GOLM2: variants seen among roughly 807,000 people sequenced by gnomAD.
The protein encoded by GOLM2 is protein GOLM2.
In GOLM2, 26 loss-of-function variants were observed where a neutral mutation model predicts 55.9. That is an observed-to-expected ratio of 0.47 (90% CI 0.34 to 0.65). The LOEUF (loss-of-function observed/expected upper bound fraction) is 0.65, where lower values mean the gene tolerates loss of function less well. GOLM2 is among the 30% of genes least tolerant of loss of function. GOLM2 has a pLI of 0.01. For synonymous variants in GOLM2, 165 were observed against 194.6 expected (o/e 0.85, Z 1.27); for missense variants, 486 against 531.8 (o/e 0.91, Z 0.85).
At chr15:44,366,310 A>AAC (rs1567036400) in intron 6 of GOLM2, among the ~76,000 whole-genome samples, 5 of 150,534 alleles carry the variant, frequency 3.3e-5, no homozygotes, top group East Asian at 2.0e-4. Context: ...AAAAAAAAAA[A>AAC]AAAACAAAAC....
Position 44,324,933 on chromosome 15 carries a change from C to T in GOLM2, c.382+1914C>T, listed in dbSNP as rs539208040. On this transcript the variant is annotated intron_variant, in intron 2 of 9. Transcript: ENST00000299957. ...TTAACTTACTCTAAGAGTTCTGCTA[C>T]GGTGACCTGGAGCAGCCACGCTAGA... Among the ~76,000 whole-genome samples, 19 of 152,204 alleles carry T rather than the reference C, an allele frequency of 1.2e-4. No individual in the cohort carries two copies. In the East Asian group the frequency reaches 2.5e-3, roughly 20 times the overall value.
chr15:44,320,797 A>G (rs931816960), intron 1 of GOLM2, among the ~76,000 whole-genome samples: 2 of 152,200 alleles, frequency 1.3e-5, no homozygotes, highest in East Asian at 3.8e-4. Context: ...TGGGACTGAA[A>G]GATACTCCAT....
chr15:44,415,438 G>T lies in GOLM2; in HGVS notation c.*2032G>T, dbSNP rs921527109. 2.0e-5 allele frequency: 3 copies of T among 152,532 alleles called. No individual in the cohort carries two copies. Among genetic ancestry groups the T allele is most frequent in the African/African-American group, 7.2e-5 (3 of 41,432 alleles). The allele number at this position is 152,532 out of a possible 1,614,324, so 9.4% of individuals were successfully genotyped here. On this transcript the variant is annotated 3_prime_UTR_variant, in exon 10 of 10. Transcript: ENST00000299957. The stretch of plus-strand genomic sequence containing the variant: ...TTGTCATAAAAACAATCACTTGGTT[G>T]GTTGTATTGTAGCTATTACTTATAC...
At chr15:44,321,443 G>A (rs2078948093) in intron 1 of GOLM2, among the ~76,000 whole-genome samples, 1 of 137,174 alleles carries the variant, frequency 7.3e-6, no homozygotes, top group Admixed American at 7.6e-5. Context: ...ACTCCAGCCT[G>A]GTCTGCAGAG....
chr15:44,360,022 A>C (rs889231132), intron 6 of GOLM2, among the ~76,000 whole-genome samples: 12 of 152,102 alleles, frequency 7.9e-5, no homozygotes, highest in Admixed American at 2.6e-4. Flanking sequence ...TGTCACCACC[A>C]GGCCTGCCCT....
chr15:44,369,478 C>T (rs908752682), intron 6 of GOLM2, among the ~76,000 whole-genome samples: 9 of 151,674 alleles, frequency 5.9e-5, no homozygotes, highest in East Asian at 1.9e-4. Context: ...ATGTAAGCTT[C>T]GTAGGACAAT....
At chr15:44,322,326 C>G (rs2078956068) in intron 1 of GOLM2, among the ~76,000 whole-genome samples, 1 of 152,116 alleles carries the variant, frequency 6.6e-6, no homozygotes. Flanking sequence ...GAGATCGCAC[C>G]ACTGCACCGC....
chr15:44,293,964 G>C (rs983064291), intron 1 of GOLM2, among the ~76,000 whole-genome samples: 8 of 152,094 alleles, frequency 5.3e-5, no homozygotes, highest in Non-Finnish European at 7.3e-5. Flanking sequence ...ACTTGTATCG[G>C]TATGGACTCA....
intron 1 of GOLM2, among the ~76,000 whole-genome samples, chr15:44,309,703 C>T (rs1205836033): frequency 6.6e-6 from 1 of 152,134 alleles, no homozygotes; most frequent in Non-Finnish European, 1.5e-5. Context: ...GTTGTTAACA[C>T]TTTATCTCTG....
At chr15:44,342,086 T>C (rs965540920) in intron 6 of GOLM2, among the ~76,000 whole-genome samples, 1 of 152,112 alleles carries the variant, frequency 6.6e-6, no homozygotes, top group African/African-American at 2.4e-5. Context: ...GAACTTGCCA[T>C]ATGCAACTTA....
intron 6 of GOLM2, among the ~76,000 whole-genome samples, chr15:44,362,625 A>C (rs2079249850): frequency 6.6e-6 from 1 of 152,198 alleles, no homozygotes; most frequent in Non-Finnish European, 1.5e-5. Flanking sequence ...GCCCAAGGTA[A>C]TTTATAGATT....
intron 6 of GOLM2, among the ~76,000 whole-genome samples, chr15:44,374,949 C>A (rs959757794): frequency 2.6e-5 from 4 of 152,102 alleles, no homozygotes; most frequent in African/African-American, 7.2e-5. Flanking sequence ...TATATTTTTC[C>A]CCTGGCTCTC....
At chr15:44,408,636 C>T (rs2079613317) in intron 9 of GOLM2, among the ~76,000 whole-genome samples, 2 of 152,126 alleles carry the variant, frequency 1.3e-5, no homozygotes, top group Non-Finnish European at 2.9e-5. Context: ...TTTTCTGTTC[C>T]TAGACATTTG....
At chr15:44,400,327 T>C (rs1325229989) in intron 8 of GOLM2, among the ~76,000 whole-genome samples, 1 of 151,948 alleles carries the variant, frequency 6.6e-6, no homozygotes, top group Non-Finnish European at 1.5e-5. Flanking sequence ...CCTTCTTTTT[T>C]TTTTCTTTGA....
chr15:44,340,437 T>TAG (rs2079083870), intron 6 of GOLM2, among the ~76,000 whole-genome samples: 1 of 152,108 alleles, frequency 6.6e-6, no homozygotes, highest in Non-Finnish European at 1.5e-5. Context: ...ATATTTTTAT[T>TAG]TCTGTAGAGA....
intron 8 of GOLM2, chr15:44,390,094 G>A (rs907026119): frequency 2.0e-5 from 3 of 152,068 alleles, no homozygotes; most frequent in African/African-American, 7.2e-5. Context: ...ATTTAATTTT[G>A]TATTACCACA....
chr15:44,374,898 T>C (rs908442586), intron 6 of GOLM2, among the ~76,000 whole-genome samples: 3 of 152,222 alleles, frequency 2.0e-5, no homozygotes, highest in African/African-American at 4.8e-5. Context: ...TAGCTATTAA[T>C]GGTATTTTCT....
intron 6 of GOLM2, among the ~76,000 whole-genome samples, chr15:44,351,427 A>G (rs1595641867): frequency 1.3e-5 from 2 of 151,970 alleles, no homozygotes; most frequent in East Asian, 3.9e-4. Context: ...ATAACAAAAA[A>G]TTAGCCGGGC....
At chr15:44,344,341 T>C (rs973719340) in intron 6 of GOLM2, among the ~76,000 whole-genome samples, 8 of 151,104 alleles carry the variant, frequency 5.3e-5, no homozygotes, top group African/African-American at 1.7e-4. Context: ...TTATAGAGCA[T>C]GTGCCTAGGG....
Sources: gnomAD v4.1 joint callset for allele counts (sites outside exome capture counted in the v4.1 genomes callset) on GRCh38, gnomAD v4.1.1 for gene constraint, MANE v1.5 for transcripts, NCBI Gene and HGNC (gene_info 2026-07-23, HGNC 2026-07-21) for gene names.